DENND1A: variants seen among roughly 807,000 people sequenced by gnomAD.
DENND1A encodes the protein DENN domain-containing protein 1A.
In DENND1A, 51 loss-of-function variants were observed where a neutral mutation model predicts 113.7. The ratio of observed to expected loss-of-function variants is 0.45; its 90% CI spans 0.36 to 0.57. DENND1A has a LOEUF of 0.57. Ranked by LOEUF, DENND1A falls within the 20% of genes least tolerant of loss-of-function variation. The pLI is 0.00. For synonymous variants in DENND1A, 565 were observed against 570.8 expected, an observed-to-expected ratio of 0.99 and a Z score of 0.14; for missense variants, 1,258 against 1,395.9, an observed-to-expected ratio of 0.90 and a Z score of 1.57.
intron 13 of DENND1A, among the ~76,000 whole-genome samples, chr9:123,483,215 G>C (rs1001763180): frequency 4.6e-5 from 7 of 152,196 alleles, no homozygotes; most frequent in African/African-American, 1.7e-4. Flanking sequence ...GTAGGACCAG[G>C]TAGTACTCGC....
Position 123,443,696 on chromosome 9 carries a change from G to A in DENND1A, c.1357-3205C>T, listed in dbSNP as rs927555388. 2.6e-5 allele frequency among the ~76,000 whole-genome samples: 4 copies of A among 152,294 alleles called. 1 individual carries two copies. The South Asian group carries it at 8.3e-4, about 32-fold the overall frequency. On this transcript the variant is annotated intron_variant, in intron 18 of 23. Transcript: ENST00000394215. ...GAGGCTGGGTGTGGAGGCTCACGCC[G>A]GTAATCCCAGCACTTTAGGGGGTCG...
At chr9:123,598,005 C>T (rs542985569) in intron 11 of DENND1A, among the ~76,000 whole-genome samples, 79 of 152,280 alleles carry the variant, frequency 5.2e-4, no homozygotes, top group African/African-American at 1.9e-3. Context: ...TTAATGAAAT[C>T]GCCAAGATTT....
chr9:123,805,387 T>A (rs1835366668), intron 2 of DENND1A, among the ~76,000 whole-genome samples: 1 of 152,004 alleles, frequency 6.6e-6, no homozygotes, highest in South Asian at 2.1e-4. Flanking sequence ...AAATGCAAAA[T>A]TTATATTTCA....
Position 123,764,998 on chromosome 9 carries a change from T to TC in DENND1A, c.182+4515dup, listed in dbSNP as rs1185546824. ...AAGGGACTTCAAGGGCCCAGTGGGT[T>TC]CAGGTTTAGAAAGGAGAGCAGGGTG... On this transcript the variant is annotated intron_variant, in intron 4 of 23. Transcript: ENST00000394215. This position sits in a 1 kb window ranked among gnomAD's most constrained non-coding sequence, Gnocchi z 4.1. Among the ~76,000 whole-genome samples, 2 of 152,160 alleles carry TC rather than the reference T, an allele frequency of 1.3e-5. No individual in the cohort carries two copies.
intron 13 of DENND1A, among the ~76,000 whole-genome samples, chr9:123,477,049 G>T (rs2049973467): frequency 6.6e-6 from 1 of 152,172 alleles, no homozygotes; most frequent in Admixed American, 6.5e-5. Context: ...ACATCCCAAG[G>T]AAGCTGGTCT....
At chr9:123,452,107 T>C (rs1446196209) in intron 17 of DENND1A, among the ~76,000 whole-genome samples, 169 bp downstream of exon 17, 1 of 151,240 alleles carries the variant, frequency 6.6e-6, no homozygotes, top group African/African-American at 2.4e-5. Flanking sequence ...GGTGGGAGGA[T>C]TGCTTGAGCC....
chr9:123,545,998 G>A (rs1026572100), intron 13 of DENND1A, among the ~76,000 whole-genome samples: 2 of 152,224 alleles, frequency 1.3e-5, no homozygotes, highest in Admixed American at 6.5e-5. Context: ...CAAAGATAGA[G>A]TATTTAAAAC....
In DENND1A at chr9:123,786,211, C is replaced by CA. The variant is rs111561874; in HGVS notation, c.132+6375dup. On this transcript the variant is annotated intron_variant, in intron 3 of 23. Transcript: ENST00000394215. Reference sequence around the variant, plus strand: ...TCTAGGCAACAGAGCAAGACTGTCTCAAAAAAAAAAAAGAAAGAAAGAAAT... The same window carrying CA: ...TCTAGGCAACAGAGCAAGACTGTCTCAAAAAAAAAAAAAGAAAGAAAGAAAT... 7.9e-4 allele frequency among the ~76,000 whole-genome samples: 108 copies of CA among 136,220 alleles called. 1 individual carries two copies. The highest frequency in any genetic ancestry group is 1.7e-3 in the East Asian group (8 of 4,760). 89.4% of individuals were successfully genotyped at this position (136,220 alleles called of 152,430 possible). A position where few individuals can be genotyped will look rare whatever the true frequency, so the allele number is the denominator to read the frequency against.
intron 1 of DENND1A, among the ~76,000 whole-genome samples, chr9:123,927,462 A>G (rs1857310677): frequency 1.3e-5 from 2 of 151,970 alleles, no homozygotes; most frequent in African/African-American, 2.4e-5. Context: ...ACAGAAGGTG[A>G]AAAAAAAGAA....
Position 123,569,261 on chromosome 9 carries a change from T to G in DENND1A, c.868-11566A>C, listed in dbSNP as rs544772804. 3.9e-5 allele frequency among the ~76,000 whole-genome samples: 6 copies of G among 152,292 alleles called. No individual in the cohort carries two copies. In the South Asian group the frequency reaches 1.2e-3, roughly 32 times the overall value. On this transcript the variant is annotated intron_variant, in intron 12 of 23. Transcript: ENST00000394215. ...AATTGAATTCGCTGGCAGCACTTCC[T>G]CCACCACGAGCCAAACATCCTCAAA... is the stretch of plus-strand genomic sequence containing the variant.
intron 1 of DENND1A, among the ~76,000 whole-genome samples, chr9:123,888,468 C>A (rs538448388): frequency 2.0e-5 from 3 of 152,304 alleles, no homozygotes; most frequent in African/African-American, 7.2e-5. Context: ...GAGTAACTTT[C>A]AATGCAGAAG....
At chr9:123,488,636 C>T (rs1378576698) in intron 13 of DENND1A, among the ~76,000 whole-genome samples, 1 of 152,216 alleles carries the variant, frequency 6.6e-6, no homozygotes, top group Non-Finnish European at 1.5e-5. Flanking sequence ...CTCCCCACTC[C>T]ACGTCCCTGG....
chr9:123,540,486 T>C (rs2056204242), intron 13 of DENND1A, among the ~76,000 whole-genome samples: 1 of 152,150 alleles, frequency 6.6e-6, no homozygotes, highest in Non-Finnish European at 1.5e-5. Context: ...TGGTGAGTCC[T>C]AAAGATCAGG....
chr9:123,468,851 T>C (rs2049166168), intron 13 of DENND1A, among the ~76,000 whole-genome samples: 1 of 152,260 alleles, frequency 6.6e-6, no homozygotes, highest in Non-Finnish European at 1.5e-5. Context: ...AGCTCCTGTT[T>C]GGGACCAGAT....
At chr9:123,728,884 C>G (rs1026998325) in intron 5 of DENND1A, among the ~76,000 whole-genome samples, 2 of 152,050 alleles carry the variant, frequency 1.3e-5, no homozygotes, top group Non-Finnish European at 2.9e-5. Context: ...ACTGGCAAAC[C>G]AAATCCAGCA....
intron 2 of DENND1A, among the ~76,000 whole-genome samples, chr9:123,818,404 T>C (rs1284242017): frequency 6.6e-6 from 1 of 152,080 alleles, no homozygotes; most frequent in Non-Finnish European, 1.5e-5. Context: ...GCACCTGGCC[T>C]ATAGTATTGT....
chr9:123,551,113 G>T (rs919965919), intron 13 of DENND1A, among the ~76,000 whole-genome samples: 5 of 152,204 alleles, frequency 3.3e-5, no homozygotes, highest in African/African-American at 4.8e-5. Context: ...AAGTCGAGAA[G>T]GACAAGTTGG....
At chr9:123,822,530 G>A (rs902116916) in intron 2 of DENND1A, among the ~76,000 whole-genome samples, 4 of 152,160 alleles carry the variant, frequency 2.6e-5, no homozygotes, top group Non-Finnish European at 1.5e-5. Context: ...CTTGTACTAA[G>A]TCAGCAAAGG....
intron 13 of DENND1A, among the ~76,000 whole-genome samples, chr9:123,540,139 G>A (rs1298261176): frequency 1.3e-5 from 2 of 152,132 alleles, no homozygotes; most frequent in African/African-American, 4.8e-5. Flanking sequence ...AGGACAAAAT[G>A]TAAACTCAGC....
Sources: allele counts gnomAD v4.1 joint callset (sites outside exome capture counted in the v4.1 genomes callset), GRCh38; gene constraint gnomAD v4.1.1; non-coding constraint Gnocchi (gnomAD v3.1); transcripts MANE v1.5; gene names NCBI Gene and HGNC (gene_info 2026-07-23, HGNC 2026-07-21).